The following HNRNPL variants were observed in gnomAD, a reference collection of about 807,000 sequenced individuals.
The protein encoded by HNRNPL is heterogeneous nuclear ribonucleoprotein L, also known as epididymis secretory sperm binding protein.
Under a neutral mutation model 64.0 loss-of-function variants are expected in HNRNPL, and 12 were observed. That is an observed-to-expected ratio of 0.19 (90% CI 0.12 to 0.30). The LOEUF (loss-of-function observed/expected upper bound fraction) is 0.30. Ranked by LOEUF, HNRNPL falls within the 10% of genes least tolerant of loss-of-function variation. The pLI is 1.00. For missense variants in HNRNPL, 484 were observed against 797.4 expected, an observed-to-expected ratio of 0.61 and a Z score of 4.73; for synonymous variants, 385 against 313.0, an observed-to-expected ratio of 1.23 and a Z score of -2.43.
chr19:38,844,453 T>G (rs1600061551), intron 4 of HNRNPL, among the ~76,000 whole-genome samples: 1 of 152,132 alleles, frequency 6.6e-6, no homozygotes, highest in South Asian at 2.1e-4. Context: ...GCCCTGAAAG[T>G]CCATCAGTGG....
chr19:38,845,626 C>T (rs756319468), intron 4 of HNRNPL, 24 bp downstream of exon 4: 3 of 1,582,452 alleles, frequency 1.9e-6, no homozygotes, highest in South Asian at 1.1e-5. Flanking sequence ...CCCTAAGGAA[C>T]ACCTGTTTTC....
rs1186597286 is a variant in HNRNPL at position 38,843,632 on chromosome 19, A to G, written c.880+210T>C. On this transcript the variant is annotated intron_variant, in intron 6 of 12. Transcript: ENST00000221419. ...TCTGCCTTGCCTCTGTATCCTGAGC[A>G]GCATCGGAGGGCCCCAAGCAGCAGT... The G allele has an allele frequency of 6.9e-6, 4 of 579,424 alleles. No homozygotes were observed. The East Asian group carries it at 8.6e-5, about 12-fold the overall frequency. The allele number at this position is 579,424 out of a possible 1,614,324, so 35.9% of individuals were successfully genotyped here.
intron 1 of HNRNPL, chr19:38,849,343 G>A (rs370525241): frequency 7.6e-5 from 17 of 224,482 alleles, no homozygotes; most frequent in African/African-American, 2.7e-4. Flanking sequence ...GGCCGGGCGG[G>A]AACACTGCGC....
intron 1 of HNRNPL, among the ~76,000 whole-genome samples, chr19:38,847,867 C>T (rs993064800): frequency 6.6e-6 from 1 of 152,168 alleles, no homozygotes; most frequent in South Asian, 2.1e-4. Flanking sequence ...GCATGTGCCC[C>T]AAATTCCTTG....
At chr19:38,850,200 C>T, upstream of HNRNPL, 1 of 405,404 alleles carries the variant, frequency 2.5e-6, no homozygotes, top group Non-Finnish European at 4.4e-6. Context: ...TCCGTCGACC[C>T]CGCCGCCTTA....
upstream of HNRNPL, chr19:38,852,271 C>G (rs1033637443): frequency 1.2e-4 from 18 of 151,478 alleles, no homozygotes; most frequent in African/African-American, 4.1e-4. Flanking sequence ...GTCACCTTCC[C>G]GCACCCCTCG....
chr19:38,839,995 C>T lies in HNRNPL; in HGVS notation c.1233+101G>A, dbSNP rs551362579. The T allele has an allele frequency of 2.1e-3, 2,362 of 1,151,628 alleles. 2 individuals are homozygous for T. The highest frequency in any genetic ancestry group is 2.7e-3 in the Non-Finnish European group (2,110 of 781,116). The allele number at this position is 1,151,628 out of a possible 1,614,324, so 71.3% of individuals were successfully genotyped here. On this transcript the variant is annotated intron_variant, in intron 8 of 12. Transcript: ENST00000221419. ...TCACTGAGTCACTCATTGGCGTCTG[C>T]CCGCCCAGCGCCACACCAGGCTCCC... is the stretch of plus-strand genomic sequence containing the variant.
rs1444393080 is a variant in HNRNPL at position 38,843,845 on chromosome 19, G to C, written c.877C>G (p.Gln293Glu). 6.2e-7 allele frequency: 1 copy of C among 1,612,906 alleles called. No individual in the cohort carries two copies. Among genetic ancestry groups the C allele is most frequent in the Non-Finnish European group, 8.5e-7 (1 of 1,178,856 alleles). ...WDYTNPNLSG[Q>E]GDPGSNPNKR... ...ACAAAGTGGTCGTCAAGATTACCTT[G>C]TCCACTGAGATTGGGGTTTGTGTAG... is the stretch of plus-strand genomic sequence containing the variant. The change falls in exon 6 of 13, where the codon CAA (glutamine) becomes GAA (glutamate). Residue 293 changes from glutamine to glutamate, a missense_variant. Transcript: ENST00000221419.
At chr19:38,845,463 G>T in intron 4 of HNRNPL, 187 bp downstream of exon 4, 1 of 607,108 alleles carries the variant, frequency 1.6e-6, no homozygotes. Flanking sequence ...CCTAAGATCT[G>T]CACGTCCACA....
intron 8 of HNRNPL, 88 bp from the exon 9 acceptor site, chr19:38,839,103 G>A: frequency 6.5e-7 from 1 of 1,527,518 alleles, no homozygotes; most frequent in Non-Finnish European, 9.0e-7. Flanking sequence ...AATAACCCCT[G>A]CTCTGGCCTC....
chr19:38,850,081 C>T (rs1055174138), upstream of HNRNPL: 96 of 798,174 alleles, frequency 1.2e-4, 1 homozygote, highest in Non-Finnish European at 8.8e-5. Flanking sequence ...GAGGGTAGGC[C>T]GCCACACGCC....
chr19:38,849,824 T>C lies in HNRNPL; in HGVS notation c.143A>G (p.Tyr48Cys), dbSNP rs769589884. The C allele has an allele frequency of 2.4e-6, 3 of 1,242,426 alleles. No individual in the cohort carries two copies. The highest frequency in any genetic ancestry group is 2.1e-5 in the Admixed American group (1 of 47,380). 77.0% of individuals were successfully genotyped at this position (1,242,426 alleles called of 1,614,324 possible). ...CCGGCCGCCCTCACTGCCGCCGCCG[T>C]AGTAGCGGCCACCGCCGCCTCCGCC... The part of the protein sequence containing the change: ...AGGGGGGGRY[Y>C]GGGSEGGRAP... The change falls in exon 1 of 13, where the codon TAC becomes TGC. Residue 48 changes from tyrosine to cysteine, a missense_variant. Tyr to Cys is a radical substitution (Grantham distance 194). Coordinates refer to ENST00000221419, the MANE Select transcript of HNRNPL (RefSeq NM_001533.3).
intron 6 of HNRNPL, chr19:38,841,878 CTCACA>C (rs1462101722): frequency 1.3e-5 from 5 of 372,316 alleles, no homozygotes; most frequent in South Asian, 8.1e-5. Context: ...TTGTCACCTC[CTCACA>C]TATGTGCTGC....
In HNRNPL at chr19:38,836,578, G is replaced by A. The variant is rs2145400973; in HGVS notation, c.*144C>T. The A allele has an allele frequency of 2.1e-6, 1 of 480,712 alleles. No homozygotes were observed. Among genetic ancestry groups the A allele is most frequent in the East Asian group, 3.2e-5 (1 of 31,246 alleles). The allele number at this position is 480,712 out of a possible 1,614,324, so 29.8% of individuals were successfully genotyped here. A position where few individuals can be genotyped will look rare whatever the true frequency, so the allele number is the denominator to read the frequency against. On this transcript the variant is annotated 3_prime_UTR_variant, in exon 13 of 13. Coordinates refer to ENST00000221419, the MANE Select transcript of HNRNPL (RefSeq NM_001533.3). ...CAGCGTTTCCATTAAGGTTAAGTAA[G>A]CCTCTACAAACCTAGCATTTAAAAA...
chr19:38,851,738 T>G (rs1296093494), upstream of HNRNPL, among the ~76,000 whole-genome samples: 1 of 152,008 alleles, frequency 6.6e-6, no homozygotes, highest in Non-Finnish European at 1.5e-5. Flanking sequence ...CACTCCAGCG[T>G]GGGCGACGGA....
At chr19:38,840,638 TG>T in intron 6 of HNRNPL, 79 bp from the exon 7 acceptor site, 1 of 1,177,762 alleles carries the variant, frequency 8.5e-7, no homozygotes, top group East Asian at 2.6e-5. Context: ...CAGGCTGATC[TG>T]AGCCCCCAGC....
rs1235320300 is a variant in HNRNPL at position 38,845,429 on chromosome 19, A to G, written c.710+221T>C. On this transcript the variant is annotated intron_variant, in intron 4 of 12. Coordinates refer to ENST00000221419, the MANE Select transcript of HNRNPL (RefSeq NM_001533.3). ...CAAAAAGAAAAATAAATTCCTTTGT[A>G]TCTCCCAACACACTGCTCTCTCCCC... 3.7e-5 allele frequency: 20 copies of G among 544,568 alleles called. No homozygotes were observed. In the East Asian group the frequency reaches 6.0e-4, roughly 16 times the overall value. The allele number at this position is 544,568 out of a possible 1,614,324, so 33.7% of individuals were successfully genotyped here. A position where few individuals can be genotyped will look rare whatever the true frequency, so the allele number is the denominator to read the frequency against.
intron 4 of HNRNPL, 88 bp downstream of exon 4, chr19:38,845,562 C>A: frequency 9.3e-7 from 1 of 1,072,358 alleles, no homozygotes; most frequent in South Asian, 1.3e-5. Context: ...CCGTGGTCAG[C>A]AGACACATGC....
At position 38,849,921 on chromosome 19, in the gene HNRNPL, G is replaced by C. The variant is rs79124306; in HGVS notation, c.46C>G (p.Leu16Val). Reference protein sequence around the residue: ...LPRAEKRRRRLEQRQQPDEQR... With the variant: ...LPRAEKRRRRVEQRQQPDEQR... Reference sequence around the variant, plus strand: ...TCGTCCGGCTGCTGCCTCTGCTCCAGCCGCCGACGCCGCTTCTCCGCCCGG... The same window carrying C: ...TCGTCCGGCTGCTGCCTCTGCTCCACCCGCCGACGCCGCTTCTCCGCCCGG... Residue 16 changes from leucine (L) to valine (V), a missense_variant, in exon 1 of 13, where the codon CTG becomes GTG. Leu to Val is a conservative substitution (Grantham distance 32). Transcript: ENST00000221419. 7.6e-7 allele frequency: 1 copy of C among 1,318,148 alleles called. No homozygotes were observed. 81.7% of individuals were successfully genotyped at this position (1,318,148 alleles called of 1,614,324 possible). A position where few individuals can be genotyped will look rare whatever the true frequency, so the allele number is the denominator to read the frequency against.
Sources: allele counts gnomAD v4.1 joint callset (sites outside exome capture counted in the v4.1 genomes callset), GRCh38; gene constraint gnomAD v4.1.1; transcripts MANE v1.5; gene names NCBI Gene and HGNC (gene_info 2026-07-23, HGNC 2026-07-21).